Variants in ATAD3A observed in about 807,000 individuals in gnomAD.
ATAD3A encodes ATPase family AAA domain containing 3A, also known as ATPase family AAA domain-containing protein 3A.
ATAD3A carries 46 observed loss-of-function variants against 73.8 expected under a neutral mutation model. The observed-to-expected ratio is 0.62, with a 90% CI of 0.49 to 0.80. ATAD3A has a LOEUF of 0.80. ATAD3A is among the 30% of genes least tolerant of loss of function. The pLI is 0.00. For synonymous variants in ATAD3A, 319 were observed against 350.0 expected (o/e 0.91, Z 0.99); for missense variants, 705 against 838.0 (o/e 0.84, Z 1.96).
rs1358810944 is a variant in ATAD3A at position 1,529,768 on chromosome 1, G to C, written c.1614+437G>C. ...GTGGGCTTGGTCCTGCTTGACACATGGGTGGGAGTGGCCTCTGGTTGTCCC... is the reference window on the plus strand; with the variant it reads ...GTGGGCTTGGTCCTGCTTGACACATCGGTGGGAGTGGCCTCTGGTTGTCCC... On this transcript the variant is annotated intron_variant, in intron 15 of 15. Coordinates refer to ENST00000378756, the MANE Select transcript of ATAD3A (RefSeq NM_001170535.3). Among the ~76,000 whole-genome samples the C allele has an allele frequency of 7.2e-5, 11 of 152,336 alleles. No individual in the cohort carries two copies. In the East Asian group the frequency reaches 2.1e-3, roughly 29 times the overall value.
At chr1:1,512,572 A>T in intron 1 of ATAD3A, 99 bp downstream of exon 1, 2 of 1,395,614 alleles carry the variant, frequency 1.4e-6, no homozygotes, top group Non-Finnish European at 1.9e-6. Flanking sequence ...GTCGGCAGCC[A>T]CTTCCCGGGC....
chr1:1,519,999 G>A, intron 5 of ATAD3A, 142 bp from the exon 6 acceptor site: 1 of 1,422,314 alleles, frequency 7.0e-7, no homozygotes, highest in East Asian at 2.5e-5. Flanking sequence ...CATGGCGTGG[G>A]CCGGTCCGTG....
chr1:1,516,318 G>A (rs189797261), intron 2 of ATAD3A, among the ~76,000 whole-genome samples: 10 of 151,628 alleles, frequency 6.6e-5, no homozygotes, highest in African/African-American at 2.2e-4. Flanking sequence ...GCGTCTGGTC[G>A]TCCGGAGGGA....
intron 13 of ATAD3A, among the ~76,000 whole-genome samples, chr1:1,527,403 C>G (rs992933472): frequency 6.6e-6 from 1 of 152,248 alleles, no homozygotes; most frequent in Non-Finnish European, 1.5e-5. Context: ...CGAATCCCTG[C>G]TCCCAGCACA....
chr1:1,525,518 C>T (rs922959495), intron 12 of ATAD3A, among the ~76,000 whole-genome samples: 1 of 150,978 alleles, frequency 6.6e-6, no homozygotes, highest in East Asian at 1.9e-4. Context: ...AGGTTCACGC[C>T]ATTCTCCCGC....
intron 15 of ATAD3A, among the ~76,000 whole-genome samples, chr1:1,532,747 C>T (rs1178413574): frequency 6.6e-6 from 1 of 152,196 alleles, no homozygotes; most frequent in Non-Finnish European, 1.5e-5. Context: ...CTTGGGTGCG[C>T]TCAAGACCAA....
chr1:1,519,383 C>T (rs1411088517), intron 5 of ATAD3A, among the ~76,000 whole-genome samples: 37 of 114,330 alleles, frequency 3.2e-4, no homozygotes, highest in African/African-American at 1.1e-3. Flanking sequence ...CCCGCCACCA[C>T]GCCCAGCTAA....
In ATAD3A at chr1:1,534,359, C is replaced by T. The variant is rs1351004161; in HGVS notation, c.*287C>T. On this transcript the variant is annotated 3_prime_UTR_variant, in exon 16 of 16. Transcript: ENST00000378756. ...ACAGGGGGAGGGTGAGGCTTTGCACCCCAGCCCCTGCCCAGGCCACTGTGA... is the reference window on the plus strand; with the variant it reads ...ACAGGGGGAGGGTGAGGCTTTGCACTCCAGCCCCTGCCCAGGCCACTGTGA... 1.4e-6 allele frequency: 2 copies of T among 1,392,394 alleles called. No individual in the cohort carries two copies. Among genetic ancestry groups the T allele is most frequent in the Non-Finnish European group, 9.3e-7 (1 of 1,075,904 alleles). The allele number at this position is 1,392,394 out of a possible 1,614,324, so 86.3% of individuals were successfully genotyped here. A position where few individuals can be genotyped will look rare whatever the true frequency, so the allele number is the denominator to read the frequency against.
intron 1 of ATAD3A, among the ~76,000 whole-genome samples, chr1:1,514,612 C>T (rs546878042): frequency 2.9e-4 from 44 of 152,288 alleles, no homozygotes; most frequent in African/African-American, 7.9e-4. Context: ...CCCACCCCAA[C>T]ACCAAAGCGT....
intron 1 of ATAD3A, among the ~76,000 whole-genome samples, chr1:1,515,734 A>G: frequency 6.6e-6 from 1 of 152,208 alleles, no homozygotes; most frequent in East Asian, 1.9e-4. Context: ...TTGAATTGGG[A>G]AAGAGCCTCC....
rs745555425 is a variant in ATAD3A, at chr1:1,519,000, C to T, written c.514+10C>T. On this transcript the variant is annotated intron_variant, in intron 5 of 15. Transcript: ENST00000378756. ...GAAGCCATGCGGCGAGGTAGGCTGT[C>T]TGCTCTCCTGGCTGGGGCGGAGGTG... The T allele has an allele frequency of 6.2e-7, 1 of 1,614,122 alleles. No homozygotes were observed. Among genetic ancestry groups the T allele is most frequent in the African/African-American group, 1.3e-5 (1 of 75,062 alleles).
At chr1:1,531,636 G>C (rs557053899) in intron 15 of ATAD3A, among the ~76,000 whole-genome samples, 3 of 150,674 alleles carry the variant, frequency 2.0e-5, no homozygotes, top group South Asian at 2.1e-4. Context: ...AAATTAGCCA[G>C]ATGTGGTGGC....
At chr1:1,526,359 A>G in intron 12 of ATAD3A, 102 bp from the exon 13 acceptor site, 1 of 1,566,230 alleles carries the variant, frequency 6.4e-7, no homozygotes, top group Non-Finnish European at 8.7e-7. Flanking sequence ...AAGTGTCGCC[A>G]TGTCCCTGCT....
chr1:1,527,782 G>C lies in ATAD3A; in HGVS notation c.1425G>C (p.Leu475=), dbSNP rs771779775. The change falls in exon 14 of 16, where the codon CTG becomes CTC. Residue 475 remains leucine, a synonymous_variant. Coordinates refer to ENST00000378756, the MANE Select transcript of ATAD3A (RefSeq NM_001170535.3). ...DRINEMVHFD[L]PGQEERERLV... is the part of the protein sequence containing the mutation. Reference sequence around the variant, plus strand: ...TCAATGAGATGGTCCACTTCGACCTGCCAGGGCAGGAGGAACGGGAGCGCC... The same window carrying C: ...TCAATGAGATGGTCCACTTCGACCTCCCAGGGCAGGAGGAACGGGAGCGCC... 15 of 1,613,982 alleles carry C rather than the reference G, an allele frequency of 9.3e-6. No individual in the cohort carries two copies. The highest frequency in any genetic ancestry group is 1.3e-5 in the Non-Finnish European group (15 of 1,179,966).
At position 1,534,274 on chromosome 1, in the gene ATAD3A, G is replaced by A; in HGVS notation, c.*202G>A. The A allele has an allele frequency of 6.9e-7, 1 of 1,458,286 alleles. No homozygotes were observed. The highest frequency in any genetic ancestry group is 9.0e-7 in the Non-Finnish European group (1 of 1,114,350). 90.3% of individuals were successfully genotyped at this position (1,458,286 alleles called of 1,614,324 possible). On this transcript the variant is annotated 3_prime_UTR_variant, in exon 16 of 16. Coordinates refer to ENST00000378756, the MANE Select transcript of ATAD3A (RefSeq NM_001170535.3). ...CCTGTTGTAGGCACTGGCTAGGGAG[G>A]GGCAGGCCTCCTTCCTGCCCCTCGA...
Position 1,523,800 on chromosome 1 carries a change from T to C in ATAD3A, c.964-39T>C. 6.2e-7 allele frequency: 1 copy of C among 1,613,242 alleles called. No homozygotes were observed. The highest frequency in any genetic ancestry group is 8.5e-7 in the Non-Finnish European group (1 of 1,179,804). ...CCCCTTCCCCTGAGGCTTCCATGGG[T>C]GCACAGTGTCTCCTCCAAACCCCCG... On this transcript the variant is annotated intron_variant, in intron 9 of 15. Coordinates refer to ENST00000378756, the MANE Select transcript of ATAD3A (RefSeq NM_001170535.3). The surrounding 1 kb of genome is among the most constrained non-coding windows in gnomAD (Gnocchi z 5.1).
At chr1:1,513,945 C>G (rs896900799) in intron 1 of ATAD3A, among the ~76,000 whole-genome samples, 6 of 152,070 alleles carry the variant, frequency 3.9e-5, no homozygotes, top group African/African-American at 1.5e-4. Flanking sequence ...GCCCTGACCC[C>G]TCCTCCGGCC....
chr1:1,522,255 G>A (rs1641625472), intron 7 of ATAD3A, among the ~76,000 whole-genome samples: 1 of 151,992 alleles, frequency 6.6e-6, no homozygotes, highest in South Asian at 2.1e-4. Context: ...GGGTTAGGCT[G>A]GTCTTGAACT....
chr1:1,532,044 G>A (rs552549731), intron 15 of ATAD3A, among the ~76,000 whole-genome samples: 3 of 152,096 alleles, frequency 2.0e-5, no homozygotes, highest in East Asian at 1.9e-4. Context: ...TCCTCCACTC[G>A]GCTAATATTG....
Sources: allele counts gnomAD v4.1 joint callset (sites outside exome capture counted in the v4.1 genomes callset), GRCh38; gene constraint gnomAD v4.1.1; non-coding constraint Gnocchi (gnomAD v3.1); transcripts MANE v1.5; gene names NCBI Gene and HGNC (gene_info 2026-07-23, HGNC 2026-07-21).